Variants in KCNQ1 observed in about 807,000 individuals in gnomAD.
KCNQ1 encodes potassium voltage-gated channel subfamily KQT member 1.
A neutral mutation model predicts 72.4 loss-of-function variants in KCNQ1; 49 were observed. The observed-to-expected ratio is 0.68, with a 90% CI of 0.54 to 0.86. The LOEUF is 0.86. Among genes scored for constraint, KCNQ1 ranks in the 40% least tolerant of loss-of-function variants. The pLI is 0.00. For missense variants in KCNQ1, 790 were observed against 945.1 expected, an observed-to-expected ratio of 0.84 and a Z score of 2.15; for synonymous variants, 450 against 412.6, an observed-to-expected ratio of 1.09 and a Z score of -1.10.
chr11:2,689,563 T>C, intron 11 of KCNQ1: 1 of 398,630 alleles, frequency 2.5e-6, no homozygotes. Flanking sequence ...GAATGAATGA[T>C]GTGGAAATCT....
rs2133754803 is a variant in KCNQ1 at position 2,585,292 on chromosome 11, A to T, written c.1113A>T (p.Ala371=). The change falls in exon 8 of 16, where the codon GCA becomes GCT. Residue 371 remains alanine (A), a synonymous_variant. Coordinates refer to ENST00000155840, the MANE Select transcript of KCNQ1 (RefSeq NM_000218.3). ...ACTTCAACCGGCAGATCCCGGCGGCAGCCTCACTCATTCAGGTGCGGTGCC... is the reference window on the plus strand; with the variant it reads ...ACTTCAACCGGCAGATCCCGGCGGCTGCCTCACTCATTCAGGTGCGGTGCC... The part of the protein sequence containing the change: ...QKHFNRQIPA[A]ASLIQTAWRC... 6.2e-7 allele frequency: 1 copy of T among 1,613,966 alleles called. No homozygotes were observed. The highest frequency in any genetic ancestry group is 8.5e-7 in the Non-Finnish European group (1 of 1,179,974).
rs533093877 is a variant in KCNQ1 at position 2,843,566 on chromosome 11, G to A, written c.1795-4201G>A. ...GACCCCCACCCTGGGAGCAGCGGGT[G>A]TGCCCGGCCTCTCCCGCCTGTCCCT... On this transcript the variant is annotated intron_variant, in intron 15 of 15. Coordinates refer to ENST00000155840, the MANE Select transcript of KCNQ1 (RefSeq NM_000218.3). Among the ~76,000 whole-genome samples the A allele has an allele frequency of 1.1e-4, 17 of 152,388 alleles. No individual in the cohort carries two copies. The South Asian group carries it at 1.7e-3, about 15-fold the overall frequency.
At chr11:2,605,845 G>C (rs1041529819) in intron 10 of KCNQ1, among the ~76,000 whole-genome samples, 2 of 152,200 alleles carry the variant, frequency 1.3e-5, no homozygotes, top group Admixed American at 6.5e-5. Flanking sequence ...ATTGTGTTGA[G>C]TTTGTAGATC....
At position 2,645,089 on chromosome 11, in the gene KCNQ1, T is replaced by G. The variant is rs1849646404; in HGVS notation, c.1394-16872T>G. ...GCTGGGCCACAGGGTGGGTAGGTCC[T>G]TGAGCTCTGAGCAGCAGATATGGCT... On this transcript the variant is annotated intron_variant, in intron 10 of 15. Transcript: ENST00000155840. This position sits in a 1 kb window ranked among gnomAD's most constrained non-coding sequence, Gnocchi z 5.8. 5.0e-6 allele frequency: 2 copies of G among 398,548 alleles called. No homozygotes were observed. Among genetic ancestry groups the G allele is most frequent in the Non-Finnish European group, 8.8e-6 (2 of 226,120 alleles). The allele number at this position is 398,548 out of a possible 1,614,324, so 24.7% of individuals were successfully genotyped here. A position where few individuals can be genotyped will look rare whatever the true frequency, so the allele number is the denominator to read the frequency against.
Position 2,642,113 on chromosome 11 carries a change from TG to T in KCNQ1, c.1394-19846del, listed in dbSNP as rs1385202255. 2 of 398,364 alleles carry T rather than the reference TG, an allele frequency of 5.0e-6. No individual in the cohort carries two copies. The highest frequency in any genetic ancestry group is 2.5e-4 in the South Asian group (2 of 7,862). The allele number at this position is 398,364 out of a possible 1,614,324, so 24.7% of individuals were successfully genotyped here. On this transcript the variant is annotated intron_variant, in intron 10 of 15. Transcript: ENST00000155840. The surrounding 1 kb of genome is among the most constrained non-coding windows in gnomAD (Gnocchi z 4.3). ...TGCTGTGGCTATTCCAGCTCTTTTTTGGTTCCATCTGAATTTTAGGATTTTT... is the reference window on the plus strand; with the variant it reads ...TGCTGTGGCTATTCCAGCTCTTTTTTGTTCCATCTGAATTTTAGGATTTTT...
intron 6 of KCNQ1, among the ~76,000 whole-genome samples, chr11:2,577,701 C>A (rs1212780875): frequency 6.6e-6 from 1 of 152,212 alleles, no homozygotes; most frequent in Non-Finnish European, 1.5e-5. Context: ...CCCCCACCCC[C>A]ACCTGGTGGC....
rs923990603 is a variant in KCNQ1 at position 2,651,281 on chromosome 11, G to C, written c.1394-10680G>C. The C allele has an allele frequency of 7.5e-6, 3 of 398,546 alleles. No individual in the cohort carries two copies. Among genetic ancestry groups the C allele is most frequent in the Middle Eastern group, 6.2e-4 (1 of 1,612 alleles). The allele number at this position is 398,546 out of a possible 1,614,324, so 24.7% of individuals were successfully genotyped here. On this transcript the variant is annotated intron_variant, in intron 10 of 15. Transcript: ENST00000155840. The surrounding 1 kb of genome is among the most constrained non-coding windows in gnomAD (Gnocchi z 6.1). Reference sequence around the variant, plus strand: ...TGTGCTGGTCACTTATTGAGAAAGAGCTTCATGGTGGGCAGCTGGGAAGCT... The same window carrying C: ...TGTGCTGGTCACTTATTGAGAAAGACCTTCATGGTGGGCAGCTGGGAAGCT...
rs1847870400 is a variant in KCNQ1 at position 2,544,290 on chromosome 11, ATATG to A, written c.477+16276_477+16279del. On this transcript the variant is annotated intron_variant, in intron 2 of 15. Coordinates refer to ENST00000155840, the MANE Select transcript of KCNQ1 (RefSeq NM_000218.3). This position sits in a 1 kb window ranked among gnomAD's most constrained non-coding sequence, Gnocchi z 4.4. ...TGTGTGTATATATATGTGTATATATATATGTATATATGTGTATATATGTATATAT... is the reference window on the plus strand; with the variant it reads ...TGTGTGTATATATATGTGTATATATATATATATGTGTATATATGTATATAT... Among the ~76,000 whole-genome samples, 1 of 111,082 alleles carries A rather than the reference ATATG, an allele frequency of 9.0e-6. No homozygotes were observed. Among genetic ancestry groups the A allele is most frequent in the African/African-American group, 4.3e-5 (1 of 23,074 alleles). The allele number at this position is 111,082 out of a possible 152,430, so 72.9% of individuals were successfully genotyped here.
chr11:2,625,660 C>T (rs1157436807), intron 10 of KCNQ1: 2 of 395,928 alleles, frequency 5.1e-6, no homozygotes, highest in Non-Finnish European at 8.9e-6. Flanking sequence ...ACTGCAACCT[C>T]TGCCTCCTGG....
rs111917448 is a variant in KCNQ1 at position 2,460,946 on chromosome 11, G to C, written c.386+15462G>C. 9.9e-3 allele frequency among the ~76,000 whole-genome samples: 1,504 copies of C among 152,318 alleles called. 23 individuals carry two copies. Among genetic ancestry groups the C allele is most frequent in the African/African-American group, 0.034 (1,403 of 41,564 alleles). Reference sequence around the variant, plus strand: ...CTGCTGCATGGGGGTGTGGCCTCCTGTGGATGGCCCCTGTCCTGGGTGGTA... The same window carrying C: ...CTGCTGCATGGGGGTGTGGCCTCCTCTGGATGGCCCCTGTCCTGGGTGGTA... On this transcript the variant is annotated intron_variant, in intron 1 of 15. Coordinates refer to ENST00000155840, the MANE Select transcript of KCNQ1 (RefSeq NM_000218.3).
chr11:2,542,814 G>A (rs1847850442), intron 2 of KCNQ1, among the ~76,000 whole-genome samples: 1 of 152,196 alleles, frequency 6.6e-6, no homozygotes, highest in African/African-American at 2.4e-5. Flanking sequence ...TTGTACGGAC[G>A]CATTGCAGTC....
rs1046981241 is a variant in KCNQ1 at position 2,828,441 on chromosome 11, A to G, written c.1795-19326A>G. Among the ~76,000 whole-genome samples the G allele has an allele frequency of 6.6e-6, 1 of 152,348 alleles. No individual in the cohort carries two copies. The highest frequency in any genetic ancestry group is 6.5e-5 in the Admixed American group (1 of 15,308). On this transcript the variant is annotated intron_variant, in intron 15 of 15. Transcript: ENST00000155840. The surrounding 1 kb of genome is among the most constrained non-coding windows in gnomAD (Gnocchi z 5.3). Reference sequence around the variant, plus strand: ...CAGGAGAAAAGAGGAGACCAAAAATATGTTGACAAAGGTTTGGAAGCTGGG... The same window carrying G: ...CAGGAGAAAAGAGGAGACCAAAAATGTGTTGACAAAGGTTTGGAAGCTGGG...
intron 11 of KCNQ1, among the ~76,000 whole-genome samples, chr11:2,742,347 G>A (rs2133953510): frequency 6.6e-6 from 1 of 152,316 alleles, no homozygotes; most frequent in East Asian, 1.9e-4. Flanking sequence ...GCATCAGGCG[G>A]CCTCAGGCCC....
chr11:2,654,855 GC>G lies in KCNQ1; in HGVS notation c.1394-7104del, dbSNP rs1849815497. On this transcript the variant is annotated intron_variant, in intron 10 of 15. Transcript: ENST00000155840. This position sits in a 1 kb window ranked among gnomAD's most constrained non-coding sequence, Gnocchi z 6.4. ...TATGTAGCCTCATGGGCAGCTCCAG[GC>G]CAGGTGGAGGGACATATTCTGGCAA... The G allele has an allele frequency of 7.5e-6, 3 of 398,450 alleles. No homozygotes were observed. Among genetic ancestry groups the G allele is most frequent in the Admixed American group, 4.4e-5 (1 of 22,718 alleles). The allele number at this position is 398,450 out of a possible 1,614,324, so 24.7% of individuals were successfully genotyped here.
intron 11 of KCNQ1, among the ~76,000 whole-genome samples, chr11:2,700,208 G>T (rs991534209): frequency 1.3e-5 from 2 of 151,770 alleles, no homozygotes; most frequent in Non-Finnish European, 2.9e-5. Context: ...CGGGTCCAGC[G>T]CCGCATGAGG....
chr11:2,622,828 A>G (rs1427816836), intron 10 of KCNQ1: 2 of 398,138 alleles, frequency 5.0e-6, no homozygotes. Context: ...CCCATTACCA[A>G]CTCTCCCACC....
rs1473761224 is a variant in KCNQ1, at chr11:2,471,178, A to G, written c.386+25694A>G. On this transcript the variant is annotated intron_variant, in intron 1 of 15. Coordinates refer to ENST00000155840, the MANE Select transcript of KCNQ1 (RefSeq NM_000218.3). This position sits in a 1 kb window ranked among gnomAD's most constrained non-coding sequence, Gnocchi z 4.8. ...GGGAACAAGGGCTGACTCGGCTGCA[A>G]TCATCCTGCAGCCAGACTCGGGGAC... Among the ~76,000 whole-genome samples the G allele has an allele frequency of 2.6e-5, 4 of 152,132 alleles. No homozygotes were observed. The highest frequency in any genetic ancestry group is 2.1e-4 in the South Asian group (1 of 4,806).
chr11:2,794,563 G>A (rs1847094164), intron 15 of KCNQ1, among the ~76,000 whole-genome samples: 1 of 152,166 alleles, frequency 6.6e-6, no homozygotes, highest in South Asian at 2.1e-4. Flanking sequence ...AGCCCAGCCG[G>A]GCCCCCAAAG....
intron 1 of KCNQ1, among the ~76,000 whole-genome samples, chr11:2,504,515 G>C (rs1392320110): frequency 2.0e-5 from 3 of 152,186 alleles, no homozygotes; most frequent in Non-Finnish European, 4.4e-5. Context: ...CAGCACTTTG[G>C]GAGGCCGAGT....
Sources: gnomAD v4.1 joint callset for allele counts (sites outside exome capture counted in the v4.1 genomes callset) on GRCh38, gnomAD v4.1.1 for gene constraint, Gnocchi (gnomAD v3.1) non-coding constraint, MANE v1.5 for transcripts, NCBI Gene and HGNC (gene_info 2026-07-23, HGNC 2026-07-21) for gene names.